RERE: variants seen among roughly 807,000 people sequenced by gnomAD.
RERE encodes the protein arginine-glutamic acid dipeptide repeats, also known as arginine-glutamic acid dipeptide repeats protein.
In RERE, 40 loss-of-function variants were observed where a neutral mutation model predicts 146.1. The observed-to-expected ratio is 0.27, with a 90% CI of 0.21 to 0.36. RERE has a LOEUF of 0.36. RERE is among the 10% of genes least tolerant of loss of function. The pLI is 1.00. For missense variants in RERE, 1,933 were observed against 2,138.7 expected, an observed-to-expected ratio of 0.90 and a Z score of 1.90; for synonymous variants, 1,003 against 866.0, an observed-to-expected ratio of 1.16 and a Z score of -2.78.
chr1:8,355,952 T>C (rs1641272972), intron 21 of RERE, 148 bp downstream of exon 21: 1 of 822,770 alleles, frequency 1.2e-6, no homozygotes. Context: ...AGGAGGCTTG[T>C]TCCCCCACGG....
At chr1:8,772,555 A>T (rs1176639682) in intron 1 of RERE, among the ~76,000 whole-genome samples, 7 of 152,178 alleles carry the variant, frequency 4.6e-5, no homozygotes, top group Non-Finnish European at 1.0e-4. Context: ...CAGGTGGATC[A>T]CCTGAGATCA....
chr1:8,633,985 G>A (rs1647066138), intron 2 of RERE, among the ~76,000 whole-genome samples: 1 of 152,058 alleles, frequency 6.6e-6, no homozygotes, highest in African/African-American at 2.4e-5. Context: ...ACAGTAATAA[G>A]GTAAGGACCC....
At chr1:8,815,829 T>TTTTGTGTGTG (rs1553152686) in intron 1 of RERE, among the ~76,000 whole-genome samples, 3 of 149,850 alleles carry the variant, frequency 2.0e-5, no homozygotes, top group Non-Finnish European at 4.4e-5. Context: ...CAGCTTGGTA[T>TTTTGTGTGTG]TGTGTGTGTG....
rs1641531713 is a variant in RERE, at chr1:8,360,669, C to T, written c.2838G>A (p.Lys946=). Residue 946 remains lysine (K), a synonymous_variant, in exon 18 of 23, where the codon AAG becomes AAA. Transcript: ENST00000400908. ...AGGGCCCCGAGAGGTGGGGAGGGTG[C>T]TTGTGGGCCTGTGGCGCCGGCAGCT... ...IPQLPAPQAH[K]HPPHLSGPSP... is the part of the protein sequence containing the mutation. 2.6e-6 allele frequency: 4 copies of T among 1,536,730 alleles called. No homozygotes were observed. The highest frequency in any genetic ancestry group is 3.5e-6 in the Non-Finnish European group (4 of 1,143,784).
intron 12 of RERE, among the ~76,000 whole-genome samples, chr1:8,368,631 A>AG (rs778008001): frequency 4.6e-5 from 7 of 152,190 alleles, no homozygotes; most frequent in Non-Finnish European, 8.8e-5. Flanking sequence ...GCTGTTAAAA[A>AG]GCAGCAACCT....
chr1:8,559,435 A>G (rs2124429892), intron 4 of RERE, among the ~76,000 whole-genome samples: 1 of 152,204 alleles, frequency 6.6e-6, no homozygotes, highest in African/African-American at 2.4e-5. Context: ...CACTTTATAC[A>G]TAGAATAATC....
chr1:8,572,677 G>C (rs144638824), intron 4 of RERE, among the ~76,000 whole-genome samples: 30 of 152,328 alleles, frequency 2.0e-4, no homozygotes, highest in Middle Eastern at 3.4e-3. Context: ...TGAGTATATA[G>C]AAGTGGGAAA....
At chr1:8,509,177 C>T (rs1347711125) in intron 7 of RERE, among the ~76,000 whole-genome samples, 3 of 151,956 alleles carry the variant, frequency 2.0e-5, no homozygotes, top group African/African-American at 7.3e-5. Context: ...AACTCCTGAC[C>T]CTCAAGGGAT....
chr1:8,375,615 A>G (rs1018673926), intron 12 of RERE, among the ~76,000 whole-genome samples: 1 of 147,634 alleles, frequency 6.8e-6, no homozygotes. Context: ...CTCAGCAGCC[A>G]CTGAAAATGC....
intron 4 of RERE, among the ~76,000 whole-genome samples, chr1:8,596,950 T>C (rs1457474306): frequency 6.6e-6 from 1 of 152,162 alleles, no homozygotes; most frequent in Non-Finnish European, 1.5e-5. Context: ...TCACCTTTAA[T>C]AATCTTTAAG....
chr1:8,811,723 G>A (rs905981231), intron 1 of RERE, among the ~76,000 whole-genome samples: 2 of 152,224 alleles, frequency 1.3e-5, no homozygotes, highest in African/African-American at 2.4e-5. Flanking sequence ...GGTTTTTGTA[G>A]GAGGAGCTCT....
intron 1 of RERE, among the ~76,000 whole-genome samples, chr1:8,812,480 C>T (rs927176755): frequency 2.0e-5 from 3 of 152,140 alleles, no homozygotes; most frequent in African/African-American, 7.2e-5. Context: ...AACCCTGTCT[C>T]TTCTAAAAAT....
chr1:8,550,509 C>G (rs2124411240), intron 6 of RERE, among the ~76,000 whole-genome samples: 1 of 152,280 alleles, frequency 6.6e-6, no homozygotes, highest in South Asian at 2.1e-4. Flanking sequence ...ACAGAACTTG[C>G]AGGAGCTAAA....
At position 8,422,778 on chromosome 1, in the gene RERE, G is replaced by T; in HGVS notation, c.1233C>A (p.Tyr411Ter). The T allele has an allele frequency of 6.2e-7, 1 of 1,613,892 alleles. No individual in the cohort carries two copies. The highest frequency in any genetic ancestry group is 8.5e-7 in the Non-Finnish European group (1 of 1,179,826). ...TTCTAATTCTGAAGAAGTTCTTCCC[G>T]TACTGCCTGAGTCCCTTAACGAAGC... ...VKRFVKGLRQ[Y>*]GKNFFRIRKE... is the part of the protein sequence containing the mutation. The change falls in exon 12 of 23, where the codon TAC (tyrosine) becomes TAA (stop). Residue 411 changes from tyrosine (Y) to a stop codon, truncating the protein, a stop_gained. Transcript: ENST00000400908. LOFTEE classifies it high-confidence loss of function.
At chr1:8,717,556 A>T (rs1639788468) in intron 1 of RERE, among the ~76,000 whole-genome samples, 1 of 152,248 alleles carries the variant, frequency 6.6e-6, no homozygotes, top group Non-Finnish European at 1.5e-5. Context: ...AACATACCTT[A>T]AAGGTTATGC....
Position 8,359,829 on chromosome 1 carries a change from C to T in RERE, c.3553G>A (p.Glu1185Lys), listed in dbSNP as rs751805597. The change falls in exon 19 of 23, where the codon GAG becomes AAG. Residue 1185 changes from glutamate to lysine, a missense_variant. Coordinates refer to ENST00000400908, the MANE Select transcript of RERE (RefSeq NM_001042681.2). ...TCCCGCTCCTTCTCCTTCTCCTTCT[C>T]CCGCTCTCGCTCCTCTCGGGCTTTC... ...EQKAREERER[E>K]KEKEKERERE... The T allele has an allele frequency of 1.2e-6, 2 of 1,608,708 alleles. No individual in the cohort carries two copies. The highest frequency in any genetic ancestry group is 1.3e-5 in the African/African-American group (1 of 74,918).
chr1:8,470,201 C>T (rs1644661961), intron 10 of RERE, among the ~76,000 whole-genome samples: 1 of 152,100 alleles, frequency 6.6e-6, no homozygotes, highest in Non-Finnish European at 1.5e-5. Context: ...CCCGTCCTCA[C>T]CCCTACACAA....
rs770293308 is a variant in RERE at position 8,361,119 on chromosome 1, G to A, written c.2388C>T (p.Pro796=). The part of the protein sequence containing the change: ...NQPQAPTAPV[P]HTHIQQAPAL... Reference sequence around the variant, plus strand: ...CCGGTGCCTGTTGGATGTGGGTGTGGGGAACAGGCGCTGTGGGAGCCTGTG... The same window carrying A: ...CCGGTGCCTGTTGGATGTGGGTGTGAGGAACAGGCGCTGTGGGAGCCTGTG... Residue 796 remains proline, a synonymous_variant, in exon 18 of 23, where the codon CCC becomes CCT. Transcript: ENST00000400908. 2.1e-6 allele frequency: 3 copies of A among 1,443,498 alleles called. No individual in the cohort carries two copies. The highest frequency in any genetic ancestry group is 2.7e-6 in the Non-Finnish European group (3 of 1,102,954). The allele number at this position is 1,443,498 out of a possible 1,614,324, so 89.4% of individuals were successfully genotyped here.
chr1:8,592,400 A>G (rs763991545), intron 4 of RERE, among the ~76,000 whole-genome samples: 2 of 151,990 alleles, frequency 1.3e-5, no homozygotes, highest in African/African-American at 4.8e-5. Context: ...CCTCCCAAGT[A>G]TCTGGGACTA....
Sources: allele counts gnomAD v4.1 joint callset (sites outside exome capture counted in the v4.1 genomes callset), GRCh38; gene constraint gnomAD v4.1.1; transcripts MANE v1.5; gene names NCBI Gene and HGNC (gene_info 2026-07-23, HGNC 2026-07-21).